Variants in ZNF83 observed in about 807,000 individuals in gnomAD.
ZNF83 encodes the protein zinc finger protein 83.
For synonymous variants in ZNF83, 209 were observed against 213.0 expected, an observed-to-expected ratio of 0.98 and a Z score of 0.17; for missense variants, 552 against 629.9, an observed-to-expected ratio of 0.88 and a Z score of 1.32.
At chr19:52,680,529 T>C (rs1297104251) in intron 1 of ZNF83, among the ~76,000 whole-genome samples, 1 of 152,152 alleles carries the variant, frequency 6.6e-6, no homozygotes, top group Non-Finnish European at 1.5e-5. Flanking sequence ...AAAGACTGTG[T>C]TCTGACAAAC....
intron 3 of ZNF83, among the ~76,000 whole-genome samples, chr19:52,648,460 A>AAG (rs1022362586): frequency 6.6e-6 from 1 of 151,800 alleles, no homozygotes; most frequent in Non-Finnish European, 1.5e-5. Context: ...GGAAAAAAAA[A>AAG]AGAGAGAGAG....
At chr19:52,614,511 T>C in exon 3 of ZNF83, 1 of 1,604,028 alleles carries the variant, frequency 6.2e-7, no homozygotes, top group Non-Finnish European at 8.5e-7. Flanking sequence ...GCGGGTTTAA[T>C]CCAAGCTGAT....
intron 1 of ZNF83, among the ~76,000 whole-genome samples, chr19:52,687,366 A>AATTTATATAGCT (rs1555792580): frequency 3.5e-5 from 2 of 56,542 alleles, no homozygotes; most frequent in African/African-American, 4.5e-4. Flanking sequence ...TATAAATTAT[A>AATTTATATAGCT]ATATAAATTA....
chr19:52,654,600 C>T (rs1056580008), intron 3 of ZNF83, among the ~76,000 whole-genome samples: 5 of 151,990 alleles, frequency 3.3e-5, no homozygotes, highest in African/African-American at 1.2e-4. Context: ...GCCTGTAATC[C>T]CAGCTACTCA....
intron 1 of ZNF83, among the ~76,000 whole-genome samples, chr19:52,663,169 G>GC (rs2061601706): frequency 6.6e-6 from 1 of 150,436 alleles, no homozygotes; most frequent in Admixed American, 6.6e-5. Flanking sequence ...TCTCAAAAAA[G>GC]GAAAAAAAAA....
At chr19:52,665,603 C>G (rs955766477) in intron 1 of ZNF83, among the ~76,000 whole-genome samples, 1 of 152,026 alleles carries the variant, frequency 6.6e-6, no homozygotes, top group South Asian at 2.1e-4. Flanking sequence ...ATAAAGCAAC[C>G]TTTTTTAATC....
At chr19:52,660,131 AAT>A (rs2061560212) in intron 2 of ZNF83, among the ~76,000 whole-genome samples, 1 of 70,072 alleles carries the variant, frequency 1.4e-5, no homozygotes, top group African/African-American at 4.2e-5. Flanking sequence ...TGGTGGTAAG[AAT>A]CATGGTGGTA....
At chr19:52,680,894 G>C (rs1028234007) in intron 1 of ZNF83, among the ~76,000 whole-genome samples, 1 of 151,496 alleles carries the variant, frequency 6.6e-6, no homozygotes, top group Non-Finnish European at 1.5e-5. Flanking sequence ...TTACAGGCGT[G>C]AGCCACCGCG....
At chr19:52,640,303 T>C (rs1270252585), upstream of ZNF83, among the ~76,000 whole-genome samples, 3 of 152,130 alleles carry the variant, frequency 2.0e-5, no homozygotes, top group Admixed American at 6.5e-5. Context: ...AGATCGGCGT[T>C]CCAAAGTAGA....
intron 1 of ZNF83, among the ~76,000 whole-genome samples, chr19:52,686,290 A>T (rs932550892): frequency 6.6e-6 from 1 of 152,096 alleles, no homozygotes. Context: ...AAAAAATCTA[A>T]CAAACTCTGA....
At chr19:52,630,012 A>C (rs628616) in intron 2 of ZNF83, among the ~76,000 whole-genome samples, 4 of 147,850 alleles carry the variant, frequency 2.7e-5, no homozygotes. Context: ...GTGGCCAGGC[A>C]TTCCTCCAGA....
intron 1 of ZNF83, among the ~76,000 whole-genome samples, chr19:52,683,817 C>T (rs545487017): frequency 6.6e-6 from 1 of 152,276 alleles, no homozygotes; most frequent in African/African-American, 2.4e-5. Flanking sequence ...CCTCAGTCTT[C>T]CGAGGACACC....
upstream of ZNF83, among the ~76,000 whole-genome samples, chr19:52,638,936 C>A (rs891676648): frequency 1.3e-5 from 2 of 152,198 alleles, no homozygotes; most frequent in African/African-American, 4.8e-5. Context: ...CCAGCCTGGG[C>A]GACAAAGTAA....
At chr19:52,642,872 T>C (rs1226688807), upstream of ZNF83, among the ~76,000 whole-genome samples, 1 of 151,590 alleles carries the variant, frequency 6.6e-6, no homozygotes, top group African/African-American at 2.4e-5. Context: ...AATACAAAAA[T>C]TGGGCCGGGC....
At chr19:52,618,224 T>TG (rs2060387788) in intron 2 of ZNF83, among the ~76,000 whole-genome samples, 1 of 151,894 alleles carries the variant, frequency 6.6e-6, no homozygotes, top group African/African-American at 2.4e-5. Flanking sequence ...TTCTAGTACC[T>TG]GGGATTACAG....
At position 52,678,436 on chromosome 19, in the gene ZNF83, C is replaced by T. The variant is rs558850366; in HGVS notation, c.-283+12007G>A. Reference sequence around the variant, plus strand: ...TTGCACTCCAGCCTGGGTGACAGAGCGAGACTTCATCTCAAAAAAAAAAAA... The same window carrying T: ...TTGCACTCCAGCCTGGGTGACAGAGTGAGACTTCATCTCAAAAAAAAAAAA... On this transcript the variant is annotated intron_variant, in intron 1 of 5. Coordinates refer to the ZNF83 transcript ENST00000594682. Among the ~76,000 whole-genome samples the T allele has an allele frequency of 1.8e-3, 220 of 119,542 alleles. 1 individual carries two copies. The highest frequency in any genetic ancestry group is 7.6e-3 in the Middle Eastern group (1 of 132). 78.4% of individuals were successfully genotyped at this position (119,542 alleles called of 152,430 possible).
intron 1 of ZNF83, among the ~76,000 whole-genome samples, chr19:52,683,332 A>G (rs1369655335): frequency 6.6e-6 from 1 of 151,738 alleles, no homozygotes; most frequent in East Asian, 1.9e-4. Flanking sequence ...CATCATCGCC[A>G]CTGGCCTGGC....
chr19:52,631,199 C>G (rs1166909090), intron 2 of ZNF83, among the ~76,000 whole-genome samples: 1 of 151,134 alleles, frequency 6.6e-6, no homozygotes, highest in Non-Finnish European at 1.5e-5. Flanking sequence ...CATCTGTTAC[C>G]TATCTCAGCA....
In ZNF83 at chr19:52,630,762, T is replaced by C. The variant is rs551392773; in HGVS notation, c.-234+4304A>G. On this transcript the variant is annotated intron_variant, in intron 2 of 2. Coordinates refer to ENST00000301096, the Ensembl canonical transcript of ZNF83. ...ACCCTTACCCCACTCAACGCCAGTA[T>C]CCCATCCCACAGCACGCTTTAAAAA... Among the ~76,000 whole-genome samples the C allele has an allele frequency of 2.0e-5, 3 of 152,196 alleles. No homozygotes were observed. In the South Asian group the frequency reaches 6.2e-4, roughly 32 times the overall value.
Sources: gnomAD v4.1 joint callset for allele counts (sites outside exome capture counted in the v4.1 genomes callset) on GRCh38, gnomAD v4.1.1 for gene constraint, MANE v1.5 for transcripts, NCBI Gene and HGNC (gene_info 2026-07-23, HGNC 2026-07-21) for gene names.